NLRP11: variants seen among roughly 807,000 people sequenced by gnomAD.
NLRP11 encodes the protein NACHT, LRR and PYD domains-containing protein 11.
NLRP11 carries 53 observed loss-of-function variants against 79.3 expected under a neutral mutation model. That is an observed-to-expected ratio of 0.67 (90% CI 0.54 to 0.84). NLRP11 has a LOEUF of 0.84. Ranked by LOEUF, NLRP11 falls within the 40% of genes least tolerant of loss-of-function variation. NLRP11 has a pLI of 0.00. For synonymous variants in NLRP11, 518 were observed against 462.6 expected, an observed-to-expected ratio of 1.12 and a Z score of -1.54; for missense variants, 1,264 against 1,255.0, an observed-to-expected ratio of 1.01 and a Z score of -0.11.
intron 4 of NLRP11, among the ~76,000 whole-genome samples, chr19:55,804,141 G>A (rs1424497569): frequency 1.3e-5 from 2 of 152,108 alleles, no homozygotes; most frequent in Non-Finnish European, 2.9e-5. Flanking sequence ...ACAGATGCTG[G>A]CAAGGATGTT....
exon 8 of NLRP11, chr19:55,789,269 C>G (rs1196346676): frequency 6.2e-7 from 1 of 1,614,008 alleles, no homozygotes; most frequent in Admixed American, 1.7e-5. Context: ...CTCAAACCAC[C>G]ACATAGCAGC....
upstream of NLRP11, among the ~76,000 whole-genome samples, chr19:55,833,661 G>C (rs1042856426): frequency 1.3e-5 from 2 of 151,094 alleles, no homozygotes; most frequent in Non-Finnish European, 2.9e-5. Flanking sequence ...CCAGCTACTC[G>C]GGAGGCTGAG....
chr19:55,805,272 A>C (rs1490867418), intron 4 of NLRP11, among the ~76,000 whole-genome samples: 1 of 152,034 alleles, frequency 6.6e-6, no homozygotes, highest in East Asian at 1.9e-4. Context: ...CTCAACATTA[A>C]AGGAAAGAGA....
intron 2 of NLRP11, among the ~76,000 whole-genome samples, chr19:55,812,123 TA>T (rs147407586): frequency 0.041 from 6,234 of 151,338 alleles, 242 homozygotes; most frequent in East Asian, 0.16. Context: ...AAAGTAAAAT[TA>T]AAAAAAAATG....
upstream of NLRP11, among the ~76,000 whole-genome samples, chr19:55,836,151 G>A (rs908105680): frequency 1.3e-5 from 2 of 152,166 alleles, no homozygotes; most frequent in Admixed American, 6.5e-5. Flanking sequence ...CTTCTTGCAC[G>A]ACAGGTTTAG....
At chr19:55,828,653 C>T (rs1314821541) in intron 1 of NLRP11, among the ~76,000 whole-genome samples, 1 of 152,114 alleles carries the variant, frequency 6.6e-6, no homozygotes, top group Non-Finnish European at 1.5e-5. Flanking sequence ...GGCTCATCAC[C>T]TAGATGGAAG....
exon 3 of NLRP11, chr19:55,808,904 G>A (rs1980276480): frequency 6.2e-7 from 1 of 1,614,096 alleles, no homozygotes; most frequent in Non-Finnish European, 8.5e-7. Context: ...AAGGTAAACT[G>A]TAACCTCCAT....
rs377391099 is a variant in NLRP11, at chr19:55,808,753, T to A, written c.1841+16A>T. 7.6e-6 allele frequency: 12 copies of A among 1,581,096 alleles called. No individual in the cohort carries two copies. In the African/African-American group the frequency reaches 1.6e-4, roughly 22 times the overall value. On this transcript the variant is annotated intron_variant, in intron 3 of 9. Transcript: ENST00000589093. ...TTAGGAAGACAGGAAAGAGGATTTA[T>A]TTTTTAAAGACTCACCTAGCAGTTG...
At chr19:55,815,793 A>G (rs34431583) in intron 2 of NLRP11, among the ~76,000 whole-genome samples, 21,283 of 152,158 alleles carry the variant, frequency 0.14, 1,575 homozygotes, top group Middle Eastern at 0.18. Context: ...GGAGGAAGCA[A>G]CAATGAAGTC....
intron 3 of NLRP11, among the ~76,000 whole-genome samples, chr19:55,808,267 A>C: frequency 6.6e-6 from 1 of 152,190 alleles, no homozygotes. Flanking sequence ...AATATTTTTA[A>C]ACTTCAATAT....
At chr19:55,785,956 C>T in intron 9 of NLRP11, 85 bp from the exon 10 acceptor site, 2 of 1,398,062 alleles carry the variant, frequency 1.4e-6, no homozygotes, top group African/African-American at 1.4e-5. Context: ...CCCCATATGG[C>T]ATCCTTTGGG....
At chr19:55,822,932 G>C (rs1185134224) in intron 1 of NLRP11, among the ~76,000 whole-genome samples, 4 of 152,214 alleles carry the variant, frequency 2.6e-5, no homozygotes, top group African/African-American at 7.2e-5. Context: ...AGGCCTGCCT[G>C]CCTCTATAGG....
chr19:55,810,942 G>A (rs1980548860), intron 2 of NLRP11, among the ~76,000 whole-genome samples: 1 of 152,040 alleles, frequency 6.6e-6, no homozygotes, highest in African/African-American at 2.4e-5. Context: ...TTCCTTTTTG[G>A]GGGTTCCTTA....
At position 55,809,280 on chromosome 19, in the gene NLRP11, C is replaced by T. The variant is rs1280130883; in HGVS notation, c.1330G>A (p.Asp444Asn). 6 of 1,614,016 alleles carry T rather than the reference C, an allele frequency of 3.7e-6. No individual in the cohort carries two copies. Among genetic ancestry groups the T allele is most frequent in the Admixed American group, 1.7e-5 (1 of 60,014 alleles). ...TTCAAGTGTATGAACTTGTAACGGT[C>T]TTTATGAGTGTTGCTCGGCAAAAGA... is the stretch of plus-strand genomic sequence containing the variant. Residue 444 changes from aspartate (D) to asparagine (N), a missense_variant, in exon 3 of 10, where the codon GAC becomes AAC. Asp to Asn is a conservative substitution (Grantham distance 23, BLOSUM62 1). Transcript: ENST00000589093. The surrounding 1 kb of genome is among the most constrained non-coding windows in gnomAD (Gnocchi z 4.5).
intron 6 of NLRP11, among the ~76,000 whole-genome samples, chr19:55,794,793 C>T (rs1389672460): frequency 2.0e-5 from 3 of 151,800 alleles, no homozygotes; most frequent in African/African-American, 7.3e-5. Flanking sequence ...ATACATAATG[C>T]GATATTACAT....
chr19:55,792,217 A>T, intron 7 of NLRP11, 84 bp downstream of exon 7: 1 of 1,180,248 alleles, frequency 8.5e-7, no homozygotes. Context: ...CCATCACTGG[A>T]ATCTTATCCC....
At chr19:55,831,096 C>CCCACCCCCCCAATCCCCCCCCCCCCCCTG (rs1197602205) in intron 1 of NLRP11, among the ~76,000 whole-genome samples, 1 of 3,806 alleles carries the variant, frequency 2.6e-4, no homozygotes, top group Non-Finnish European at 5.0e-4. Context: ...AGACCCACCG[C>CCCACCCCCCCAATCCCCCCCCCCCCCCTG]CCCACCCCCC....
chr19:55,800,440 TGGGA>T (rs1979367224), intron 5 of NLRP11, among the ~76,000 whole-genome samples: 1 of 152,160 alleles, frequency 6.6e-6, no homozygotes, highest in African/African-American at 2.4e-5. Context: ...CTCGCATAGC[TGGGA>T]TTACAGGCAC....
intron 1 of NLRP11, among the ~76,000 whole-genome samples, chr19:55,822,778 G>A (rs1442916842): frequency 2.0e-5 from 3 of 151,926 alleles, no homozygotes; most frequent in South Asian, 4.2e-4. Flanking sequence ...ACGGAGTCTC[G>A]CTGATTGCTA....
Sources: allele counts gnomAD v4.1 joint callset (sites outside exome capture counted in the v4.1 genomes callset), GRCh38; gene constraint gnomAD v4.1.1; non-coding constraint Gnocchi (gnomAD v3.1); transcripts MANE v1.5; gene names NCBI Gene and HGNC (gene_info 2026-07-23, HGNC 2026-07-21).